The following VAV3 variants were observed in gnomAD, a reference collection of about 807,000 sequenced individuals.
VAV3 encodes the protein guanine nucleotide exchange factor VAV3.
In VAV3, 94 loss-of-function variants were observed where a neutral mutation model predicts 131.2. The ratio of observed to expected loss-of-function variants is 0.72; its 90% CI spans 0.61 to 0.85. The LOEUF (loss-of-function observed/expected upper bound fraction) is 0.85. VAV3 is among the 40% of genes least tolerant of loss of function. The probability of loss-of-function intolerance (pLI) is 0.00; values close to 1 mark genes in which losing one functional copy is unlikely to be tolerated. For missense variants in VAV3, 939 were observed against 1,002.7 expected (o/e 0.94, Z 0.86); for synonymous variants, 349 against 342.0 (o/e 1.02, Z -0.22).
chr1:107,701,364 C>A (rs561159089), intron 17 of VAV3, among the ~76,000 whole-genome samples: 1 of 152,038 alleles, frequency 6.6e-6, no homozygotes, highest in Non-Finnish European at 1.5e-5. Flanking sequence ...ACGTTGGCCC[C>A]TTTTCGCCAT....
chr1:107,844,187 G>C (rs926462703), intron 2 of VAV3, among the ~76,000 whole-genome samples: 4 of 151,936 alleles, frequency 2.6e-5, no homozygotes, highest in African/African-American at 9.6e-5. Context: ...AAGCAGGGTG[G>C]GGCATTCCTC....
In VAV3 at chr1:107,950,826, A is replaced by G. The variant is rs1674495901; in HGVS notation, c.204+13840T>C. Among the ~76,000 whole-genome samples the G allele has an allele frequency of 1.3e-5, 2 of 152,204 alleles. 1 individual carries two copies. Among genetic ancestry groups the G allele is most frequent in the South Asian group, 4.1e-4 (2 of 4,832 alleles). On this transcript the variant is annotated intron_variant, in intron 1 of 26. Coordinates refer to ENST00000370056, the MANE Select transcript of VAV3 (RefSeq NM_006113.5). ...GAGATATCAGTCAACTAAAGAGCAC[A>G]GGGAGGATAATGGCTTAGTAGATGT... is the stretch of plus-strand genomic sequence containing the variant.
At chr1:107,751,975 A>T (rs1038455156) in intron 12 of VAV3, among the ~76,000 whole-genome samples, 1 of 152,240 alleles carries the variant, frequency 6.6e-6, no homozygotes, top group Non-Finnish European at 1.5e-5. Flanking sequence ...TTTTCTGCAC[A>T]AATAGAAAAT....
chr1:107,881,594 C>A (rs1346201371), intron 1 of VAV3, among the ~76,000 whole-genome samples: 1 of 152,160 alleles, frequency 6.6e-6, no homozygotes, highest in Non-Finnish European at 1.5e-5. Flanking sequence ...CCATGCGTAG[C>A]CTCTCTCCCT....
At chr1:107,652,984 T>A (rs1017708023) in intron 19 of VAV3, among the ~76,000 whole-genome samples, 1 of 152,002 alleles carries the variant, frequency 6.6e-6, no homozygotes, top group South Asian at 2.1e-4. Context: ...ACCCAACTTT[T>A]TTATTTCCTA....
chr1:107,925,229 G>A (rs1415820287), intron 1 of VAV3, among the ~76,000 whole-genome samples: 6 of 152,138 alleles, frequency 3.9e-5, no homozygotes, highest in Non-Finnish European at 7.3e-5. Context: ...GCCTGAGGGA[G>A]GGACCAAAGT....
At chr1:107,574,421 T>A (rs914093450) in intron 25 of VAV3, among the ~76,000 whole-genome samples, 25 of 152,236 alleles carry the variant, frequency 1.6e-4, no homozygotes, top group African/African-American at 4.8e-4. Flanking sequence ...GTCCTGTTTT[T>A]CCATTCTTCA....
chr1:107,917,939 G>T (rs1049362446), intron 1 of VAV3, among the ~76,000 whole-genome samples: 1 of 152,122 alleles, frequency 6.6e-6, no homozygotes, highest in Admixed American at 6.5e-5. Context: ...ATGAATTAAG[G>T]ACTGAGATGC....
rs574293456 is a variant in VAV3, at chr1:107,885,436, A to G, written c.205-10419T>C. On this transcript the variant is annotated intron_variant, in intron 1 of 26. Coordinates refer to ENST00000370056, the MANE Select transcript of VAV3 (RefSeq NM_006113.5). The stretch of plus-strand genomic sequence containing the variant: ...TTTAAAAGTACCAACAGTTAAAAAA[A>G]AAAGAAAAGAAAAATACAGTCAAAA... 8.5e-5 allele frequency among the ~76,000 whole-genome samples: 13 copies of G among 152,278 alleles called. No individual in the cohort carries two copies. In the South Asian group the frequency reaches 2.7e-3, roughly 32 times the overall value.
chr1:107,769,430 C>T (rs1664916477), intron 6 of VAV3, among the ~76,000 whole-genome samples: 1 of 152,164 alleles, frequency 6.6e-6, no homozygotes, highest in Non-Finnish European at 1.5e-5. Context: ...TCAATCTACT[C>T]TTCTACTCTT....
rs1342627175 is a variant in VAV3 at position 107,755,865 on chromosome 1, CATG to C, written c.1087-355_1087-353del. Among the ~76,000 whole-genome samples, 5 of 152,274 alleles carry C rather than the reference CATG, an allele frequency of 3.3e-5. No homozygotes were observed. The East Asian group carries it at 7.7e-4, about 23-fold the overall frequency. On this transcript the variant is annotated intron_variant, in intron 11 of 26. Transcript: ENST00000370056. ...GCACGTTAATTACTGACCTTGAGAG[CATG>C]ATATTTTTACACAGGTTAGAAGAAG... is the stretch of plus-strand genomic sequence containing the variant.
At chr1:107,961,126 T>A (rs1380463052) in intron 1 of VAV3, among the ~76,000 whole-genome samples, 1 of 152,154 alleles carries the variant, frequency 6.6e-6, no homozygotes, top group African/African-American at 2.4e-5. Context: ...AAGTCTGAAT[T>A]ATTCATTTAA....
rs1448080152 is a variant in VAV3, at chr1:107,777,304, G to A, written c.381-8C>T. ...TCTTCTGTTGGGAAGGGCCTAGGAA[G>A]AGGAGAAAAAACAAAAACAAAAAAA... On this transcript the variant is annotated splice_polypyrimidine_tract_variant and splice_region_variant and intron_variant, in intron 3 of 26. Coordinates refer to ENST00000370056, the MANE Select transcript of VAV3 (RefSeq NM_006113.5). 6 of 1,613,214 alleles carry A rather than the reference G, an allele frequency of 3.7e-6. No homozygotes were observed. Among genetic ancestry groups the A allele is most frequent in the East Asian group, 2.2e-5 (1 of 44,886 alleles).
chr1:107,589,861 T>A (rs543607159), intron 25 of VAV3, among the ~76,000 whole-genome samples: 4 of 152,218 alleles, frequency 2.6e-5, no homozygotes, highest in Non-Finnish European at 4.4e-5. Flanking sequence ...TCTATTGTAA[T>A]ATAACTAATA....
intron 1 of VAV3, among the ~76,000 whole-genome samples, chr1:107,877,961 GCTGCCAGC>G (rs1242182761): frequency 2.0e-5 from 3 of 152,114 alleles, no homozygotes; most frequent in African/African-American, 7.2e-5. Context: ...AGGAAGTGAG[GCTGCCAGC>G]CTGCCAGCAG....
intron 22 of VAV3, among the ~76,000 whole-genome samples, chr1:107,608,530 G>C (rs919079533): frequency 3.9e-5 from 6 of 152,096 alleles, no homozygotes; most frequent in Admixed American, 1.3e-4. Context: ...CTTCAATCAG[G>C]TAAAAATGAA....
intron 12 of VAV3, 42 bp from the exon 13 acceptor site, chr1:107,751,244 A>C (rs1167332751): frequency 6.7e-7 from 1 of 1,487,240 alleles, no homozygotes; most frequent in South Asian, 1.2e-5. Flanking sequence ...TCATAATCAC[A>C]TGAAAATAAA....
At chr1:107,667,214 G>A (rs908138987) in intron 19 of VAV3, among the ~76,000 whole-genome samples, 2 of 152,148 alleles carry the variant, frequency 1.3e-5, no homozygotes, top group Non-Finnish European at 2.9e-5. Context: ...CAAAGAGCCA[G>A]ACACTGTGCT....
intron 1 of VAV3, among the ~76,000 whole-genome samples, chr1:107,884,139 TA>T (rs532625931): frequency 4.8e-3 from 657 of 138,314 alleles, no homozygotes; most frequent in Non-Finnish European, 5.5e-3. Context: ...GGGCCCAGTT[TA>T]AAAAAAAAAA....
Sources: gnomAD v4.1 joint callset for allele counts (sites outside exome capture counted in the v4.1 genomes callset) on GRCh38, gnomAD v4.1.1 for gene constraint, MANE v1.5 for transcripts, NCBI Gene and HGNC (gene_info 2026-07-23, HGNC 2026-07-21) for gene names.